Variants in ATP2B2 observed in about 807,000 individuals in gnomAD.
ATP2B2 encodes plasma membrane calcium-transporting ATPase 2.
ATP2B2 carries 15 observed loss-of-function variants against 120.0 expected under a neutral mutation model. That is an observed-to-expected ratio of 0.12 (90% CI 0.08 to 0.19). ATP2B2 has a LOEUF of 0.19. Among genes scored for constraint, ATP2B2 ranks in the 10% least tolerant of loss-of-function variants. The pLI, the probability that ATP2B2 is intolerant of heterozygous loss-of-function variation, is 1.00. For synonymous variants in ATP2B2, 694 were observed against 700.3 expected (o/e 0.99, Z 0.14); for missense variants, 1,045 against 1,719.8 (o/e 0.61, Z 6.94).
chr3:10,669,473 T>A (rs1005937573), intron 1 of ATP2B2, among the ~76,000 whole-genome samples: 5 of 151,942 alleles, frequency 3.3e-5, no homozygotes, highest in East Asian at 3.9e-4. Flanking sequence ...TGTTTGGGGC[T>A]CACCTCTCAA....
intron 2 of ATP2B2, among the ~76,000 whole-genome samples, chr3:10,414,821 A>G (rs1228595104): frequency 6.8e-6 from 1 of 146,372 alleles, no homozygotes; most frequent in Non-Finnish European, 1.5e-5. Flanking sequence ...GCCCTTGCCC[A>G]CTCCCCACAG....
At chr3:10,394,873 G>C (rs2061983546) in intron 5 of ATP2B2, among the ~76,000 whole-genome samples, 1 of 152,014 alleles carries the variant, frequency 6.6e-6, no homozygotes, top group Non-Finnish European at 1.5e-5. Context: ...CTGGCCCCCT[G>C]GCTCCAGCCC....
upstream of ATP2B2, among the ~76,000 whole-genome samples, chr3:10,509,041 AG>A (rs2066706824): frequency 6.6e-6 from 1 of 152,164 alleles, no homozygotes; most frequent in Non-Finnish European, 1.5e-5. Flanking sequence ...GGGGTCCTGG[AG>A]CTGAGACACA....
chr3:10,578,189 A>G (rs935684680), intron 2 of ATP2B2, among the ~76,000 whole-genome samples: 1 of 152,224 alleles, frequency 6.6e-6, no homozygotes, highest in African/African-American at 2.4e-5. Context: ...ACATGGAGCA[A>G]CAGAGGCTCT....
intron 2 of ATP2B2, among the ~76,000 whole-genome samples, chr3:10,427,483 T>C (rs2063181730): frequency 6.6e-6 from 1 of 152,256 alleles, no homozygotes; most frequent in South Asian, 2.1e-4. Flanking sequence ...TGAAATGCTT[T>C]ACTAATAATG....
At chr3:10,662,458 A>G (rs1294950712) in intron 1 of ATP2B2, among the ~76,000 whole-genome samples, 1 of 137,202 alleles carries the variant, frequency 7.3e-6, no homozygotes, top group South Asian at 2.2e-4. Context: ...TCTCAAAAGA[A>G]GACATTTATG....
intron 3 of ATP2B2, among the ~76,000 whole-genome samples, chr3:10,405,381 G>A (rs1382824841): frequency 3.3e-5 from 5 of 152,200 alleles, no homozygotes; most frequent in Non-Finnish European, 5.9e-5. Flanking sequence ...ATTAGCTATT[G>A]TCTCCAGAGA....
At chr3:10,536,638 T>C (rs1240917688) in intron 2 of ATP2B2, among the ~76,000 whole-genome samples, 2 of 152,118 alleles carry the variant, frequency 1.3e-5, no homozygotes, top group African/African-American at 4.8e-5. Context: ...GCAAACCTCC[T>C]GCCTCAGCCT....
intron 1 of ATP2B2, among the ~76,000 whole-genome samples, chr3:10,623,851 A>T (rs928789083): frequency 2.0e-5 from 3 of 152,142 alleles, no homozygotes; most frequent in African/African-American, 7.2e-5. Context: ...GGCCCAAACA[A>T]CATGCCCTAA....
intron 12 of ATP2B2, among the ~76,000 whole-genome samples, chr3:10,370,994 A>G (rs1048864261): frequency 2.0e-5 from 3 of 152,196 alleles, no homozygotes; most frequent in African/African-American, 7.2e-5. Flanking sequence ...CAAAATGAAT[A>G]ATATTACTAC....
intron 1 of ATP2B2, among the ~76,000 whole-genome samples, chr3:10,690,472 C>CTATCTATA (rs1390316329): frequency 5.1e-4 from 78 of 151,622 alleles, no homozygotes; most frequent in African/African-American, 1.9e-3. Flanking sequence ...ATCTATCTAT[C>CTATCTATA]TATCTATATA....
intron 1 of ATP2B2, among the ~76,000 whole-genome samples, chr3:10,645,215 G>A (rs1427337967): frequency 6.6e-6 from 1 of 152,146 alleles, no homozygotes; most frequent in Non-Finnish European, 1.5e-5. Flanking sequence ...AGTATTCTGT[G>A]AGTTTGAAAT....
chr3:10,560,728 G>T (rs1334703694), intron 2 of ATP2B2, among the ~76,000 whole-genome samples: 1 of 152,126 alleles, frequency 6.6e-6, no homozygotes, highest in East Asian at 1.9e-4. Flanking sequence ...TGCCCCCTGT[G>T]ATACACTCCC....
chr3:10,372,112 C>G lies in ATP2B2; in HGVS notation c.1417-61G>C, dbSNP rs1575045342. 1.1e-5 allele frequency: 17 copies of G among 1,610,824 alleles called. No homozygotes were observed. The East Asian group carries it at 3.8e-4, about 36-fold the overall frequency. ...GAGAGGGGCTGGGGAGCATGGGGTG[C>G]CTGGAGGCACTGGGTAAACATGCAG... On this transcript the variant is annotated intron_variant, in intron 11 of 22. Coordinates refer to ENST00000360273, the MANE Select transcript of ATP2B2 (RefSeq NM_001001331.4).
chr3:10,459,314 A>G (rs963074262), intron 1 of ATP2B2, among the ~76,000 whole-genome samples: 8 of 152,266 alleles, frequency 5.3e-5, no homozygotes, highest in Non-Finnish European at 8.8e-5. Flanking sequence ...TAAAGTCACT[A>G]GCAGATCCAG....
intron 2 of ATP2B2, among the ~76,000 whole-genome samples, chr3:10,443,189 C>T (rs932248392): frequency 6.6e-6 from 1 of 152,190 alleles, no homozygotes; most frequent in Non-Finnish European, 1.5e-5. Context: ...CTCCTCAATT[C>T]TGTTTTCTCC....
chr3:10,621,552 A>T (rs2069548575), intron 1 of ATP2B2, among the ~76,000 whole-genome samples: 1 of 152,250 alleles, frequency 6.6e-6, no homozygotes, highest in South Asian at 2.1e-4. Context: ...AGGGAGTGGC[A>T]GTGCCAGTGT....
At chr3:10,348,739 A>G (rs1336702251) in intron 16 of ATP2B2, among the ~76,000 whole-genome samples, 1 of 152,254 alleles carries the variant, frequency 6.6e-6, no homozygotes, top group African/African-American at 2.4e-5. Flanking sequence ...ACCCCATGCC[A>G]GCAGTGCAGC....
At chr3:10,544,254 G>A (rs112862339) in intron 2 of ATP2B2, among the ~76,000 whole-genome samples, 6,648 of 152,038 alleles carry the variant, frequency 0.044, 276 homozygotes, top group African/African-American at 0.12. Context: ...CATTACCATC[G>A]GTGCAAAACC....
Sources: allele counts gnomAD v4.1 joint callset (sites outside exome capture counted in the v4.1 genomes callset), GRCh38; gene constraint gnomAD v4.1.1; transcripts MANE v1.5; gene names NCBI Gene and HGNC (gene_info 2026-07-23, HGNC 2026-07-21).